Variants in PDE4D observed in about 807,000 individuals in gnomAD.
The protein encoded by PDE4D is phosphodiesterase 4D.
A neutral mutation model predicts 87.4 loss-of-function variants in PDE4D; 24 were observed. That is an observed-to-expected ratio of 0.27 (90% CI 0.20 to 0.39). The LOEUF (loss-of-function observed/expected upper bound fraction) is 0.39, where lower values mean the gene tolerates loss of function less well. Among genes scored for constraint, PDE4D ranks in the 10% least tolerant of loss-of-function variants. The pLI is 1.00. For synonymous variants in PDE4D, 384 were observed against 383.2 expected (o/e 1.00, Z -0.02); for missense variants, 714 against 1,041.0 (o/e 0.69, Z 4.32).
At chr5:59,168,751 A>C (rs1782286171) in intron 5 of PDE4D, among the ~76,000 whole-genome samples, 1 of 152,204 alleles carries the variant, frequency 6.6e-6, no homozygotes, top group Admixed American at 6.5e-5. Flanking sequence ...ACTTTTGAGG[A>C]CCAGCACATC....
intron 5 of PDE4D, among the ~76,000 whole-genome samples, chr5:59,093,723 C>T (rs1483034900): frequency 6.6e-6 from 1 of 152,144 alleles, no homozygotes; most frequent in Non-Finnish European, 1.5e-5. Context: ...GCATATGCAC[C>T]TGTATATGTC....
chr5:59,202,032 C>CTTTTTT (rs1491303567), intron 2 of PDE4D, among the ~76,000 whole-genome samples: 13 of 31,448 alleles, frequency 4.1e-4, no homozygotes, highest in African/African-American at 6.8e-4. Context: ...GTGTTTTGAT[C>CTTTTTT]ATTTTTTTTT....
chr5:59,597,215 C>A (rs1826824352), intron 1 of PDE4D, among the ~76,000 whole-genome samples: 1 of 152,048 alleles, frequency 6.6e-6, no homozygotes, highest in Non-Finnish European at 1.5e-5. Flanking sequence ...AAATTATTTC[C>A]TTCCCTCCTG....
At chr5:59,716,570 C>T (rs1755062163) in intron 1 of PDE4D, among the ~76,000 whole-genome samples, 1 of 152,152 alleles carries the variant, frequency 6.6e-6, no homozygotes, top group African/African-American at 2.4e-5. Flanking sequence ...CTTTAAGATC[C>T]AGCAATTCAA....
intron 1 of PDE4D, among the ~76,000 whole-genome samples, chr5:59,567,358 T>C (rs1821115417): frequency 6.6e-6 from 1 of 152,206 alleles, no homozygotes; most frequent in African/African-American, 2.4e-5. Flanking sequence ...TGTAGTTCTT[T>C]GGTGTCTGTC....
At chr5:59,528,988 C>A in intron 1 of PDE4D, 1 of 458,422 alleles carries the variant, frequency 2.2e-6, no homozygotes, top group East Asian at 6.6e-5. Context: ...AAGAGCCCAG[C>A]TGAAACAAGA....
intron 2 of PDE4D, among the ~76,000 whole-genome samples, chr5:60,066,074 C>G (rs997224657): frequency 6.6e-6 from 1 of 152,148 alleles, no homozygotes; most frequent in African/African-American, 2.4e-5. Context: ...GTTCCTATTT[C>G]TCCACATCCT....
intron 2 of PDE4D, among the ~76,000 whole-genome samples, chr5:60,088,329 C>A (rs1463595698): frequency 6.7e-6 from 1 of 150,074 alleles, no homozygotes; most frequent in Admixed American, 6.6e-5. Context: ...AACAAAAAAA[C>A]CTAAAGTATG....
At chr5:59,015,787 G>A (rs1214569085) in intron 6 of PDE4D, among the ~76,000 whole-genome samples, 1 of 152,094 alleles carries the variant, frequency 6.6e-6, no homozygotes, top group African/African-American at 2.4e-5. Context: ...TATATCCAAA[G>A]GATTATAAAT....
intron 1 of PDE4D, among the ~76,000 whole-genome samples, chr5:59,820,004 A>C (rs1437247306): frequency 1.3e-5 from 2 of 152,276 alleles, no homozygotes; most frequent in Non-Finnish European, 1.5e-5. Flanking sequence ...CAGTCATTTG[A>C]CCTTGAACAG....
intron 1 of PDE4D, among the ~76,000 whole-genome samples, chr5:59,758,912 CAT>C (rs925012418): frequency 2.0e-5 from 3 of 151,978 alleles, no homozygotes; most frequent in South Asian, 4.1e-4. Flanking sequence ...CCTTTATAAC[CAT>C]ATGACTTATT....
intron 1 of PDE4D, among the ~76,000 whole-genome samples, chr5:59,413,250 G>A (rs1177313695): frequency 1.3e-5 from 2 of 151,998 alleles, no homozygotes; most frequent in Non-Finnish European, 2.9e-5. Context: ...GAGGTCAGGA[G>A]ATCGAGACCA....
intron 1 of PDE4D, among the ~76,000 whole-genome samples, chr5:59,536,029 A>AGACTT (rs1270283619): frequency 6.6e-6 from 1 of 152,218 alleles, no homozygotes; most frequent in African/African-American, 2.4e-5. Context: ...ATCTCTTCCA[A>AGACTT]GACTTAAAGA....
rs573975520 is a variant in PDE4D, at chr5:59,771,394, C to T, written c.455+121774G>A. On this transcript the variant is annotated intron_variant, in intron 1 of 14. Transcript: ENST00000340635. ...ACTAAAAATGATATGGGCGACAGAG[C>T]GAGACTCCATCTCAAAAAGAAGGAA... Among the ~76,000 whole-genome samples, 6 of 134,150 alleles carry T rather than the reference C, an allele frequency of 4.5e-5. No individual in the cohort carries two copies. In the South Asian group the frequency reaches 9.8e-4, roughly 22 times the overall value. The allele number at this position is 134,150 out of a possible 152,430, so 88.0% of individuals were successfully genotyped here.
At chr5:59,922,068 C>A (rs1399580500) in intron 3 of PDE4D, among the ~76,000 whole-genome samples, 3 of 151,996 alleles carry the variant, frequency 2.0e-5, no homozygotes, top group African/African-American at 7.3e-5. Context: ...GACTGGGGGA[C>A]TTTGCTTTGG....
intron 1 of PDE4D, among the ~76,000 whole-genome samples, chr5:59,354,972 A>G (rs947765173): frequency 6.6e-6 from 1 of 152,212 alleles, no homozygotes; most frequent in African/African-American, 2.4e-5. Context: ...TCAAATTAAG[A>G]GGAAGTAAAG....
At chr5:59,567,380 G>C (rs1821120078) in intron 1 of PDE4D, among the ~76,000 whole-genome samples, 1 of 152,146 alleles carries the variant, frequency 6.6e-6, no homozygotes. Context: ...AGAAAGTACA[G>C]AGATTTATAG....
rs1741412302 is a variant in PDE4D at position 60,197,490 on chromosome 5, TTTAAA to T, written c.-89-11808_-89-11804del. 1.3e-5 allele frequency among the ~76,000 whole-genome samples: 2 copies of T among 151,614 alleles called. 1 individual carries two copies. Among genetic ancestry groups the T allele is most frequent in the Non-Finnish European group, 3.0e-5 (2 of 67,786 alleles). ...TAGATTATTTGGGACACAATGAGAA[TTTAAA>T]TAAAATAAACCAGAGTTAAAGTAAA... is the stretch of plus-strand genomic sequence containing the variant. On this transcript the variant is annotated intron_variant, in intron 1 of 16. Coordinates refer to the PDE4D transcript ENST00000502484.
intron 1 of PDE4D, among the ~76,000 whole-genome samples, chr5:59,309,096 A>T (rs954271040): frequency 6.6e-6 from 1 of 151,980 alleles, no homozygotes; most frequent in Non-Finnish European, 1.5e-5. Flanking sequence ...TCTCACTCTC[A>T]CTGTGTCTCC....
Sources: allele counts gnomAD v4.1 joint callset (sites outside exome capture counted in the v4.1 genomes callset), GRCh38; gene constraint gnomAD v4.1.1; transcripts MANE v1.5; gene names NCBI Gene and HGNC (gene_info 2026-07-23, HGNC 2026-07-21).